Variants in FCHO1 observed in about 807,000 individuals in gnomAD.
FCHO1 encodes the protein F-BAR domain only protein 1.
A neutral mutation model predicts 114.4 loss-of-function variants in FCHO1; 45 were observed. The ratio of observed to expected loss-of-function variants is 0.39; its 90% CI spans 0.31 to 0.50. The LOEUF (loss-of-function observed/expected upper bound fraction) is 0.50, where lower values mean the gene tolerates loss of function less well. Among genes scored for constraint, FCHO1 ranks in the 20% least tolerant of loss-of-function variants. The pLI, the probability that FCHO1 is intolerant of heterozygous loss-of-function variation, is 0.77. For synonymous variants in FCHO1, 480 were observed against 488.9 expected (o/e 0.98, Z 0.24); for missense variants, 1,042 against 1,209.6 (o/e 0.86, Z 2.06).
Position 17,787,782 on chromosome 19 carries a change from C to T in FCHO1, c.2583C>T (p.Gly861=), listed in dbSNP as rs761182688. ...QFTSEGTTLS[G]VDLELVGSGY... ...CCAGCGAGGGGACCACTCTGTCGGG[C>T]GTGGACTTGGAACTGGTGGGCAGCG... The change falls in exon 28 of 29, where the codon GGC becomes GGT. Residue 861 remains glycine, a synonymous_variant. Transcript: ENST00000596536. 3.2e-5 allele frequency: 52 copies of T among 1,612,438 alleles called. No homozygotes were observed. The highest frequency in any genetic ancestry group is 4.1e-5 in the Non-Finnish European group (48 of 1,179,646).
rs779595070 is a variant in FCHO1 at position 17,762,684 on chromosome 19, C to T, written c.28-78C>T. On this transcript the variant is annotated intron_variant, in intron 4 of 28. Transcript: ENST00000596536. ...ACAGCCAAGGGGATGGACTTCTGCT[C>T]CTTGGCCACGCCCCCGTTGCTAAGC... is the stretch of plus-strand genomic sequence containing the variant. 3 of 1,045,684 alleles carry T rather than the reference C, an allele frequency of 2.9e-6. No individual in the cohort carries two copies. The Admixed American group carries it at 5.1e-5, about 18-fold the overall frequency. The allele number at this position is 1,045,684 out of a possible 1,614,324, so 64.8% of individuals were successfully genotyped here. A position where few individuals can be genotyped will look rare whatever the true frequency, so the allele number is the denominator to read the frequency against.
At chr19:17,763,259 CTTTTTTT>C (rs11349881) in intron 5 of FCHO1, among the ~76,000 whole-genome samples, 25 of 96,042 alleles carry the variant, frequency 2.6e-4, no homozygotes, top group Non-Finnish European at 5.1e-4. Flanking sequence ...CCACATCTGG[CTTTTTTT>C]TTTTTTTTTT....
Position 17,783,146 on chromosome 19 carries a change from C to G in FCHO1, c.2067C>G (p.Phe689Leu). The G allele has an allele frequency of 6.2e-7, 1 of 1,614,194 alleles. No homozygotes were observed. The highest frequency in any genetic ancestry group is 1.1e-5 in the South Asian group (1 of 91,080). ...TACACACAACCGCTATTGAGCACTTCCAGCCCAACGCCGATCTGCTGTTCA... is the reference window on the plus strand; with the variant it reads ...TACACACAACCGCTATTGAGCACTTGCAGCCCAACGCCGATCTGCTGTTCA... ...RLVHTTAIEH[F>L]QPNADLLFSD... Residue 689 changes from phenylalanine (F) to leucine (L), a missense_variant, in exon 24 of 29, where the codon TTC becomes TTG. Phe to Leu is a conservative substitution (Grantham distance 22). Coordinates refer to ENST00000596536, the MANE Select transcript of FCHO1 (RefSeq NM_015122.3).
At position 17,778,180 on chromosome 19, in the gene FCHO1, C is replaced by T. The variant is rs896766474; in HGVS notation, c.1303C>T (p.Leu435Phe). The change falls in exon 19 of 29, where the codon CTC becomes TTC. Residue 435 changes from leucine (L) to phenylalanine (F), a missense_variant. By Grantham distance (22) the Leu-to-Phe change is conservative (BLOSUM62 0). Around this residue, in one of 3 missense-constraint regions of FCHO1, gnomAD observed 455 missense variants for 455.4 expected, o/e 1.00. Coordinates refer to ENST00000596536, the MANE Select transcript of FCHO1 (RefSeq NM_015122.3). ...GTCAGAGGAGCAGGTGTCCAAGAAC[C>T]TCTTTGGGCCGCCCCTGGAGTCAGC... ...LQSEEQVSKN[L>F]FGPPLESAFD... The T allele has an allele frequency of 3.1e-6, 5 of 1,613,706 alleles. No individual in the cohort carries two copies. Among genetic ancestry groups the T allele is most frequent in the African/African-American group, 2.7e-5 (2 of 75,038 alleles).
chr19:17,762,116 G>T (rs2086521968), intron 4 of FCHO1, among the ~76,000 whole-genome samples: 1 of 151,772 alleles, frequency 6.6e-6, no homozygotes, highest in Non-Finnish European at 1.5e-5. Flanking sequence ...CTCCCAAGTA[G>T]CTGGGATTAC....
At chr19:17,780,749 T>G (rs2093326862) in intron 20 of FCHO1, among the ~76,000 whole-genome samples, 1 of 148,616 alleles carries the variant, frequency 6.7e-6, no homozygotes, top group Non-Finnish European at 1.5e-5. Context: ...GGAGGGGAGG[T>G]TGGCAAGCAA....
chr19:17,778,143 A>T lies in FCHO1; in HGVS notation c.1266A>T (p.Ala422=). 6.2e-7 allele frequency: 1 copy of T among 1,613,282 alleles called. No homozygotes were observed. The highest frequency in any genetic ancestry group is 8.5e-7 in the Non-Finnish European group (1 of 1,179,400). ...PRSAPRTSSC[A]ERLQSEEQVS... ...TTGGCCTCACCCTCTCTAGCTGTGC[A>T]GAGAGATTGCAGTCAGAGGAGCAGG... The change falls in exon 19 of 29, where the codon GCA becomes GCT. Residue 422 remains alanine (A), a synonymous_variant. Coordinates refer to ENST00000596536, the MANE Select transcript of FCHO1 (RefSeq NM_015122.3).
At chr19:17,778,958 G>A (rs917648822) in intron 20 of FCHO1, 74 bp downstream of exon 20, 52 of 1,402,078 alleles carry the variant, frequency 3.7e-5, no homozygotes, top group Non-Finnish European at 4.7e-5. Flanking sequence ...TTTGGGCAGG[G>A]CCTGATCAGG....
chr19:17,785,025 C>T (rs551443835), intron 26 of FCHO1, 101 bp downstream of exon 26: 36 of 1,193,826 alleles, frequency 3.0e-5, no homozygotes, highest in African/African-American at 2.4e-4. Flanking sequence ...TCGGCCTGAC[C>T]GTTAACTGTG....
intron 4 of FCHO1, among the ~76,000 whole-genome samples, chr19:17,759,144 A>G (rs772215324): frequency 1.3e-5 from 2 of 151,746 alleles, no homozygotes; most frequent in Non-Finnish European, 2.9e-5. Flanking sequence ...AGATCCCTCC[A>G]CAAGCCTTCT....
At position 17,778,846 on chromosome 19, in the gene FCHO1, C is replaced by T; in HGVS notation, c.1589C>T (p.Ser530Phe). The T allele has an allele frequency of 6.4e-7, 1 of 1,564,882 alleles. No individual in the cohort carries two copies. ...GACTCGCCGCAGCCCCTCGCCTCGT[C>T]TCCAGGCCCCTGGGGGCTGGAGGCC... is the stretch of plus-strand genomic sequence containing the variant. ...LPDSPQPLAS[S>F]PGPWGLEALA... Residue 530 changes from serine (S) to phenylalanine (F), a missense_variant, in exon 20 of 29, where the codon TCT (serine) becomes TTT (phenylalanine). Ser to Phe is a radical substitution (Grantham distance 155). This residue lies in a region of FCHO1 where 455 missense variants were observed against 455.4 expected (regional missense o/e 1.00). Transcript: ENST00000596536.
At chr19:17,769,580 AACACACACACACACACACACAC>A (rs71162199) in intron 7 of FCHO1, among the ~76,000 whole-genome samples, 63 of 144,166 alleles carry the variant, frequency 4.4e-4, no homozygotes, top group Middle Eastern at 3.5e-3. Flanking sequence ...CTTCGTCTCA[AACACACACACACACACACACAC>A]ACACACACAC....
At chr19:17,762,638 C>T (rs769704238) in intron 4 of FCHO1, 124 bp from the exon 5 acceptor site, 9 of 772,180 alleles carry the variant, frequency 1.2e-5, no homozygotes, top group Admixed American at 5.2e-5. Flanking sequence ...AGCTGATTCG[C>T]TCAGGCCCGA....
In FCHO1 at chr19:17,776,528, C is replaced by A; in HGVS notation, c.1208-107C>A. On this transcript the variant is annotated intron_variant, in intron 17 of 28. Transcript: ENST00000596536. The surrounding 1 kb of genome is among the most constrained non-coding windows in gnomAD (Gnocchi z 4.4). ...CATGTCTGCCTGATTTGCTGATCACCTTGGGCAACTGGCTGGACACCCCCG... is the reference window on the plus strand; with the variant it reads ...CATGTCTGCCTGATTTGCTGATCACATTGGGCAACTGGCTGGACACCCCCG... 7.6e-7 allele frequency: 1 copy of A among 1,313,016 alleles called. No homozygotes were observed. Among genetic ancestry groups the A allele is most frequent in the Non-Finnish European group, 1.1e-6 (1 of 911,198 alleles). 81.3% of individuals were successfully genotyped at this position (1,313,016 alleles called of 1,614,324 possible). A position where few individuals can be genotyped will look rare whatever the true frequency, so the allele number is the denominator to read the frequency against.
chr19:17,783,603 G>A (rs1180541620), intron 24 of FCHO1, among the ~76,000 whole-genome samples: 5 of 144,998 alleles, frequency 3.4e-5, no homozygotes, highest in Admixed American at 2.8e-4. Context: ...TTTTTGAGAT[G>A]GAGTTTTGCT....
At chr19:17,763,327 AG>A (rs1774653747) in intron 5 of FCHO1, among the ~76,000 whole-genome samples, 2 of 143,498 alleles carry the variant, frequency 1.4e-5, no homozygotes, top group Admixed American at 7.3e-5. Context: ...GCAATGGTGC[AG>A]TCTCGGCTCA....
intron 1 of FCHO1, among the ~76,000 whole-genome samples, chr19:17,753,490 T>C (rs1165716638): frequency 6.6e-6 from 1 of 152,178 alleles, no homozygotes; most frequent in East Asian, 1.9e-4. Context: ...AGGACGGTGA[T>C]ATCTGTGTCC....
At position 17,776,954 on chromosome 19, in the gene FCHO1, C is replaced by T. The variant is rs1405337505; in HGVS notation, c.1259+268C>T. 3.3e-5 allele frequency among the ~76,000 whole-genome samples: 5 copies of T among 151,978 alleles called. No individual in the cohort carries two copies. The highest frequency in any genetic ancestry group is 5.9e-5 in the Non-Finnish European group (4 of 68,008). ...CTGAGATTACAGGCACCCACCACCACGCCCAGCTAACTTTTGTATTTTTAG... is the reference window on the plus strand; with the variant it reads ...CTGAGATTACAGGCACCCACCACCATGCCCAGCTAACTTTTGTATTTTTAG... On this transcript the variant is annotated intron_variant, in intron 18 of 28. Transcript: ENST00000596536. This position sits in a 1 kb window ranked among gnomAD's most constrained non-coding sequence, Gnocchi z 4.4.
At position 17,781,317 on chromosome 19, in the gene FCHO1, C is replaced by T; in HGVS notation, c.1714C>T (p.Pro572Ser). The change falls in exon 21 of 29, where the codon CCT (proline) becomes TCT (serine). Residue 572 changes from proline (P) to serine (S), a missense_variant. By Grantham distance (74) the Pro-to-Ser change is moderately conservative (BLOSUM62 -1). This residue lies in a region of FCHO1 where 455 missense variants were observed against 455.4 expected (regional missense o/e 1.00). Transcript: ENST00000596536. ...RRLRSRKVSC[P>S]LTRSNGDLSR... ...ACTTCGCTCTAGGAAGGTGTCCTGC[C>T]CTCTCACACGTAGCAATGGGGACCT... The T allele has an allele frequency of 6.2e-7, 1 of 1,614,036 alleles. No individual in the cohort carries two copies. Among genetic ancestry groups the T allele is most frequent in the East Asian group, 2.2e-5 (1 of 44,884 alleles).
Sources: gnomAD v4.1 joint callset for allele counts (sites outside exome capture counted in the v4.1 genomes callset) on GRCh38, gnomAD v4.1.1 for gene constraint, gnomAD v4.1.1 regional missense constraint, Gnocchi (gnomAD v3.1) non-coding constraint, MANE v1.5 for transcripts, NCBI Gene and HGNC (gene_info 2026-07-23, HGNC 2026-07-21) for gene names.